Variants in ABCC5 observed in about 807,000 individuals in gnomAD.
ABCC5 encodes ATP binding cassette subfamily C member 5, also known as ATP-binding cassette sub-family C member 5.
ABCC5 carries 61 observed loss-of-function variants against 160.9 expected under a neutral mutation model. The observed-to-expected ratio is 0.38, with a 90% CI of 0.31 to 0.47. The LOEUF is 0.47. ABCC5 is among the 20% of genes least tolerant of loss of function. ABCC5 has a pLI of 0.99. For missense variants in ABCC5, 1,308 were observed against 1,813.3 expected, an observed-to-expected ratio of 0.72 and a Z score of 5.06; for synonymous variants, 666 against 700.6, an observed-to-expected ratio of 0.95 and a Z score of 0.78.
At chr3:183,928,861 C>G (rs747845242) in intron 26 of ABCC5, 36 bp from the exon 27 acceptor site, 1 of 1,565,140 alleles carries the variant, frequency 6.4e-7, no homozygotes, top group Non-Finnish European at 8.8e-7. Flanking sequence ...AGTGGTCCCA[C>G]CCTAAGCGAC....
chr3:183,948,892 C>T (rs1263991623), intron 22 of ABCC5, among the ~76,000 whole-genome samples: 1 of 151,826 alleles, frequency 6.6e-6, no homozygotes, highest in African/African-American at 2.4e-5. Flanking sequence ...TTAGTAGAGA[C>T]AAGGTTCCAC....
chr3:183,971,496 C>T, intron 11 of ABCC5, 67 bp downstream of exon 11: 1 of 1,446,754 alleles, frequency 6.9e-7, no homozygotes, highest in South Asian at 1.2e-5. Flanking sequence ...ACAGCAGCCG[C>T]CTATTGGTGG....
chr3:183,951,795 C>T lies in ABCC5; in HGVS notation c.2814+62G>A, dbSNP rs1357504263. ...CTACTCAGCATGAACTGAGAGACGC[C>T]ACACCAAAGCCTGACCACAGGTCAC... is the stretch of plus-strand genomic sequence containing the variant. On this transcript the variant is annotated intron_variant, in intron 19 of 29. Transcript: ENST00000334444. This position sits in a 1 kb window ranked among gnomAD's most constrained non-coding sequence, Gnocchi z 4.7. 1.3e-6 allele frequency: 2 copies of T among 1,582,984 alleles called. No homozygotes were observed. Among genetic ancestry groups the T allele is most frequent in the Middle Eastern group, 2.0e-4 (1 of 5,002 alleles).
rs767283373 is a variant in ABCC5, at chr3:183,982,614, A to G, written c.836T>C (p.Ile279Thr). The change falls in exon 7 of 30, where the codon ATT becomes ACT. Residue 279 changes from isoleucine (I) to threonine (T), a missense_variant. This residue lies in a region of ABCC5 where 1,142 missense variants were observed against 1,527.1 expected (regional missense o/e 0.75). Transcript: ENST00000334444. The surrounding 1 kb of genome is among the most constrained non-coding windows in gnomAD (Gnocchi z 5.2). The stretch of plus-strand genomic sequence containing the variant: ...CATTCTCTGCCCATCGTTGGAGCAA[A>G]TGTTGATGAGCTATAAGATACAAAG... ...KEKSLGELIN[I>T]CSNDGQRMFE... The G allele has an allele frequency of 7.2e-5, 117 of 1,614,024 alleles. No homozygotes were observed. Among genetic ancestry groups the G allele is most frequent in the Non-Finnish European group, 9.6e-5 (113 of 1,180,042 alleles).
chr3:183,991,960 G>A (rs1322393959), intron 2 of ABCC5, among the ~76,000 whole-genome samples: 1 of 152,206 alleles, frequency 6.6e-6, no homozygotes, highest in Non-Finnish European at 1.5e-5. Flanking sequence ...GGTACAGAAT[G>A]TTACAGGGAC....
chr3:183,967,640 G>A, intron 12 of ABCC5, 55 bp downstream of exon 12: 4 of 1,495,690 alleles, frequency 2.7e-6, no homozygotes, highest in Non-Finnish European at 3.7e-6. Context: ...CGTTTTTCCT[G>A]AGACTCTTGC....
At chr3:184,013,470 T>C (rs1008674399) in intron 2 of ABCC5, among the ~76,000 whole-genome samples, 3 of 152,034 alleles carry the variant, frequency 2.0e-5, no homozygotes, top group African/African-American at 7.2e-5. Context: ...GCCAGGCTGG[T>C]CTCAAACTCC....
At chr3:183,985,029 T>G in intron 5 of ABCC5, 1 of 772,812 alleles carries the variant, frequency 1.3e-6, no homozygotes. Context: ...TAGTGAATGT[T>G]TACACTATGC....
In ABCC5 at chr3:183,949,703, G is replaced by A. The variant is rs367591255; in HGVS notation, c.3227+50C>T. On this transcript the variant is annotated intron_variant, in intron 22 of 29. Coordinates refer to ENST00000334444, the MANE Select transcript of ABCC5 (RefSeq NM_005688.4). This position sits in a 1 kb window ranked among gnomAD's most constrained non-coding sequence, Gnocchi z 4.2. ...AGAGCCTCCCGGACAAGTATCAAAC[G>A]CTGGGATGCTGACTCCCCTTTGAGG... is the stretch of plus-strand genomic sequence containing the variant. 20 of 1,600,280 alleles carry A rather than the reference G, an allele frequency of 1.2e-5. No homozygotes were observed. The East Asian group carries it at 1.3e-4, about 11-fold the overall frequency.
At position 183,988,601 on chromosome 3, in the gene ABCC5, C is replaced by T; in HGVS notation, c.414G>A (p.Lys138=). 6.2e-7 allele frequency: 1 copy of T among 1,614,186 alleles called. No homozygotes were observed. The highest frequency in any genetic ancestry group is 1.1e-5 in the South Asian group (1 of 91,078). ...LSMEDVWSLS[K]HESSDVNCRR... ...TGCAGTTCACGTCAGAAGACTCGTG[C>T]TTGGACAGAGACCACACGTCTTCCA... The change falls in exon 4 of 30, where the codon AAG becomes AAA. Residue 138 remains lysine (K), a synonymous_variant. Coordinates refer to ENST00000334444, the MANE Select transcript of ABCC5 (RefSeq NM_005688.4). This position sits in a 1 kb window ranked among gnomAD's most constrained non-coding sequence, Gnocchi z 4.4.
chr3:183,983,355 A>C, intron 5 of ABCC5: 1 of 289,770 alleles, frequency 3.5e-6, no homozygotes, highest in East Asian at 6.9e-5. Flanking sequence ...ACATGGATAC[A>C]TTTGTTTACA....
chr3:183,985,555 CAA>C (rs1283901313), intron 5 of ABCC5: 1 of 727,872 alleles, frequency 1.4e-6, no homozygotes, highest in African/African-American at 1.7e-5. Context: ...TAGCATTCAC[CAA>C]GAGAGAGCAC....
Position 183,963,268 on chromosome 3 carries a change from T to C in ABCC5, c.2235+117A>G, listed in dbSNP as rs2292999. On this transcript the variant is annotated intron_variant, in intron 15 of 29. Coordinates refer to ENST00000334444, the MANE Select transcript of ABCC5 (RefSeq NM_005688.4). This position sits in a 1 kb window ranked among gnomAD's most constrained non-coding sequence, Gnocchi z 4.6. ...ACAGGGGGCTAATTTGCTAAGAAAA[T>C]GAAACCTTGATTCCAGGAATTTCTA... is the stretch of plus-strand genomic sequence containing the variant. The C allele has an allele frequency of 1.7e-4, 194 of 1,144,506 alleles. No homozygotes were observed. Among genetic ancestry groups the C allele is most frequent in the Non-Finnish European group, 2.3e-4 (180 of 780,038 alleles). 70.9% of individuals were successfully genotyped at this position (1,144,506 alleles called of 1,614,324 possible). A position where few individuals can be genotyped will look rare whatever the true frequency, so the allele number is the denominator to read the frequency against.
chr3:183,970,011 A>G (rs888490190), intron 11 of ABCC5, among the ~76,000 whole-genome samples: 2 of 152,182 alleles, frequency 1.3e-5, no homozygotes, highest in Non-Finnish European at 1.5e-5. Context: ...TACTGTGGTA[A>G]CAGAGCCTTG....
At chr3:183,979,605 A>T (rs189758793) in intron 8 of ABCC5, among the ~76,000 whole-genome samples, 1 of 152,194 alleles carries the variant, frequency 6.6e-6, no homozygotes, top group East Asian at 1.9e-4. Flanking sequence ...TTTTCAGACG[A>T]GGTCTCGCTC....
intron 10 of ABCC5, among the ~76,000 whole-genome samples, chr3:183,976,692 T>C (rs1266209989): frequency 6.6e-6 from 1 of 152,132 alleles, no homozygotes; most frequent in African/African-American, 2.4e-5. Context: ...TCCAAGATGA[T>C]TATATTCATC....
intron 27 of ABCC5, chr3:183,927,906 A>G: frequency 1.3e-6 from 1 of 793,668 alleles, no homozygotes. Context: ...GAACTCATCT[A>G]CTAATAGTTG....
chr3:183,968,376 C>T (rs781101877), intron 11 of ABCC5, among the ~76,000 whole-genome samples: 4 of 152,082 alleles, frequency 2.6e-5, no homozygotes, highest in Non-Finnish European at 4.4e-5. Flanking sequence ...TCCCAAAGTG[C>T]TGGGATTACA....
In ABCC5 at chr3:183,963,820, C is replaced by G. The variant is rs564996191; in HGVS notation, c.2032-232G>C. Among the ~76,000 whole-genome samples, 1 of 152,220 alleles carries G rather than the reference C, an allele frequency of 6.6e-6. No homozygotes were observed. Among genetic ancestry groups the G allele is most frequent in the East Asian group, 1.9e-4 (1 of 5,200 alleles). ...CTACCACTGCCATCTGGGTACCGAT[C>G]AATCCTACATCTGGTCTTGCCAGTC... On this transcript the variant is annotated intron_variant, in intron 14 of 29. Transcript: ENST00000334444. This position sits in a 1 kb window ranked among gnomAD's most constrained non-coding sequence, Gnocchi z 4.6.
Sources: gnomAD v4.1 joint callset for allele counts (sites outside exome capture counted in the v4.1 genomes callset) on GRCh38, gnomAD v4.1.1 for gene constraint, gnomAD v4.1.1 regional missense constraint, Gnocchi (gnomAD v3.1) non-coding constraint, MANE v1.5 for transcripts, NCBI Gene and HGNC (gene_info 2026-07-23, HGNC 2026-07-21) for gene names.